Variants in PIP5K1B observed in about 807,000 individuals in gnomAD.
The protein encoded by PIP5K1B is phosphatidylinositol 4-phosphate 5-kinase type-1 beta.
In PIP5K1B, 42 loss-of-function variants were observed where a neutral mutation model predicts 67.0. The ratio of observed to expected loss-of-function variants is 0.63; its 90% CI spans 0.49 to 0.81. The LOEUF (loss-of-function observed/expected upper bound fraction) is 0.81, where lower values mean the gene tolerates loss of function less well. Ranked by LOEUF, PIP5K1B falls within the 30% of genes least tolerant of loss-of-function variation. PIP5K1B has a pLI of 0.00. For missense variants in PIP5K1B, 459 were observed against 646.3 expected, an observed-to-expected ratio of 0.71 and a Z score of 3.14; for synonymous variants, 214 against 231.4, an observed-to-expected ratio of 0.92 and a Z score of 0.68.
At chr9:68,887,154 C>T (rs982567585) in intron 6 of PIP5K1B, among the ~76,000 whole-genome samples, 2 of 152,230 alleles carry the variant, frequency 1.3e-5, no homozygotes, top group Non-Finnish European at 2.9e-5. Context: ...GTATTCTCTG[C>T]TGCTTTTTCC....
intron 14 of PIP5K1B, among the ~76,000 whole-genome samples, chr9:68,976,621 G>A (rs1363528527): frequency 6.6e-5 from 10 of 152,192 alleles, no homozygotes; most frequent in African/African-American, 2.4e-4. Context: ...TTTTGTGGAA[G>A]ACAATTTTTC....
chr9:68,710,278 A>G (rs1827321721), intron 1 of PIP5K1B, among the ~76,000 whole-genome samples: 1 of 152,140 alleles, frequency 6.6e-6, no homozygotes, highest in African/African-American at 2.4e-5. Context: ...ATGTAGCTCT[A>G]CTGTTCATTT....
At chr9:68,916,878 A>G (rs1296865053) in intron 8 of PIP5K1B, among the ~76,000 whole-genome samples, 1 of 47,270 alleles carries the variant, frequency 2.1e-5, no homozygotes, top group Non-Finnish European at 4.6e-5. Context: ...TCTCAAAAAT[A>G]AAAAAAAAAA....
chr9:68,710,265 A>T (rs4744683), intron 1 of PIP5K1B, among the ~76,000 whole-genome samples: 83,766 of 152,010 alleles, frequency 0.55, 23,388 homozygotes, highest in East Asian at 0.69. Flanking sequence ...AGAACTGTAC[A>T]TTATGTAGCT....
chr9:68,863,930 C>G lies in PIP5K1B; in HGVS notation c.163C>G (p.Gln55Glu). 1 of 1,613,858 alleles carries G rather than the reference C, an allele frequency of 6.2e-7. No individual in the cohort carries two copies. The highest frequency in any genetic ancestry group is 8.5e-7 in the Non-Finnish European group (1 of 1,179,778). ...TSKPERDVLMQDFYVVESVFL... is the reference protein window; with the variant it reads ...TSKPERDVLMEDFYVVESVFL... ...CAAGCCAGAACGAGATGTTCTTATG[C>G]AAGACTTTTATGTGGTGGAAAGTGT... Residue 55 changes from glutamine (Q) to glutamate (E), a missense_variant, in exon 5 of 16, where the codon CAA becomes GAA. Physicochemically the swap from Gln to Glu is conservative, Grantham distance 29. This residue lies in a region of PIP5K1B where 290 missense variants were observed against 474.4 expected (regional missense o/e 0.61). Coordinates refer to ENST00000265382, the MANE Select transcript of PIP5K1B (RefSeq NM_003558.4).
intron 1 of PIP5K1B, among the ~76,000 whole-genome samples, chr9:68,733,577 G>C (rs1426928245): frequency 1.3e-5 from 2 of 149,296 alleles, no homozygotes; most frequent in African/African-American, 5.0e-5. Flanking sequence ...CACAGACCAA[G>C]GGTTTTTCTC....
At chr9:68,896,985 T>C (rs947447904) in intron 8 of PIP5K1B, among the ~76,000 whole-genome samples, 2 of 152,166 alleles carry the variant, frequency 1.3e-5, no homozygotes, top group African/African-American at 4.8e-5. Flanking sequence ...CCTCTCTCTC[T>C]CTTCAGGTCA....
intron 4 of PIP5K1B, among the ~76,000 whole-genome samples, chr9:68,851,713 C>T (rs1178426973): frequency 6.6e-6 from 1 of 152,164 alleles, no homozygotes. Flanking sequence ...CCAGAAATCA[C>T]AAGGCAAGTT....
intron 2 of PIP5K1B, among the ~76,000 whole-genome samples, chr9:68,812,562 C>G (rs1833226705): frequency 6.6e-6 from 1 of 152,228 alleles, no homozygotes; most frequent in African/African-American, 2.4e-5. Flanking sequence ...TTAACTAGGA[C>G]TCTTGTGTCA....
chr9:69,000,894 C>CTT (rs35077587), intron 15 of PIP5K1B, among the ~76,000 whole-genome samples: 2,639 of 144,496 alleles, frequency 0.018, 70 homozygotes, highest in African/African-American at 0.059. Context: ...GGGAGCACAA[C>CTT]TTTTTTTTTT....
At chr9:68,841,367 G>A (rs62571162) in intron 4 of PIP5K1B, among the ~76,000 whole-genome samples, 1 of 152,176 alleles carries the variant, frequency 6.6e-6, no homozygotes, top group Non-Finnish European at 1.5e-5. Context: ...ATCTCCCACA[G>A]AACCATTTGC....
chr9:68,913,746 C>T lies in PIP5K1B; in HGVS notation c.772-3802C>T, dbSNP rs1587657472. 2.0e-5 allele frequency among the ~76,000 whole-genome samples: 3 copies of T among 152,020 alleles called. No individual in the cohort carries two copies. The South Asian group carries it at 6.2e-4, about 32-fold the overall frequency. ...ACTGAAAGTAGGGGTCTTGGCCTCA[C>T]GAGGACAACTCAGCACCCTTCCCAG... is the stretch of plus-strand genomic sequence containing the variant. On this transcript the variant is annotated intron_variant, in intron 8 of 15. Coordinates refer to ENST00000265382, the MANE Select transcript of PIP5K1B (RefSeq NM_003558.4).
chr9:68,923,518 TA>T, intron 12 of PIP5K1B, 132 bp downstream of exon 12: 1 of 573,722 alleles, frequency 1.7e-6, no homozygotes, highest in Non-Finnish European at 3.0e-6. Flanking sequence ...TATGGTTAAG[TA>T]ACCCAGTCAG....
chr9:68,708,026 G>A (rs969837391), intron 1 of PIP5K1B: 1 of 152,160 alleles, frequency 6.6e-6, no homozygotes, highest in Non-Finnish European at 1.5e-5. Context: ...TCACCTAAGA[G>A]ACCTAGCTAA....
chr9:68,780,082 G>GTATCATTAAAAA, intron 2 of PIP5K1B: 1 of 1,334,324 alleles, frequency 7.5e-7, no homozygotes, highest in Non-Finnish European at 9.6e-7. Flanking sequence ...CGGTGGCGGC[G>GTATCATTAAAAA]GCAGCGGCGG....
intron 2 of PIP5K1B, among the ~76,000 whole-genome samples, chr9:68,809,744 T>C (rs1013606337): frequency 1.3e-5 from 2 of 152,230 alleles, no homozygotes; most frequent in Admixed American, 1.3e-4. Context: ...CAAACGGCTC[T>C]AAGTCCAATT....
intron 2 of PIP5K1B, among the ~76,000 whole-genome samples, chr9:68,752,115 C>G (rs1220030264): frequency 6.6e-6 from 1 of 152,140 alleles, no homozygotes; most frequent in Non-Finnish European, 1.5e-5. Flanking sequence ...GTTATTCCAA[C>G]TCTAAAATTT....
intron 14 of PIP5K1B, among the ~76,000 whole-genome samples, chr9:68,975,456 C>T (rs1287301248): frequency 6.6e-6 from 1 of 152,114 alleles, no homozygotes; most frequent in African/African-American, 2.4e-5. Context: ...TATAAACTTC[C>T]TAAAAGTTAA....
At position 68,822,674 on chromosome 9, in the gene PIP5K1B, C is replaced by T; in HGVS notation, c.60C>T (p.Thr20=). The T allele has an allele frequency of 6.2e-7, 1 of 1,610,636 alleles. No homozygotes were observed. Among genetic ancestry groups the T allele is most frequent in the Non-Finnish European group, 8.5e-7 (1 of 1,177,340 alleles). ...CTGGAAAACAAAATGAAGAAAAAAC[C>T]TATAAAAAGGTGAGTGTGCATTTTA... is the stretch of plus-strand genomic sequence containing the variant. ...AAPGKQNEEK[T]YKKTASSAIK... The change falls in exon 4 of 16, where the codon ACC becomes ACT. Residue 20 remains threonine, a synonymous_variant. Coordinates refer to ENST00000265382, the MANE Select transcript of PIP5K1B (RefSeq NM_003558.4).
Sources: gnomAD v4.1 joint callset for allele counts (sites outside exome capture counted in the v4.1 genomes callset) on GRCh38, gnomAD v4.1.1 for gene constraint, gnomAD v4.1.1 regional missense constraint, MANE v1.5 for transcripts, NCBI Gene and HGNC (gene_info 2026-07-23, HGNC 2026-07-21) for gene names.